The following UBE2E2 variants were observed in gnomAD, a reference collection of about 807,000 sequenced individuals.
UBE2E2 encodes ubiquitin-conjugating enzyme E2 E2.
A neutral mutation model predicts 24.7 loss-of-function variants in UBE2E2; 6 were observed. The ratio of observed to expected loss-of-function variants is 0.24; its 90% CI spans 0.13 to 0.48. The LOEUF (loss-of-function observed/expected upper bound fraction) is 0.48. UBE2E2 is among the 20% of genes least tolerant of loss of function. The pLI, the probability that UBE2E2 is intolerant of heterozygous loss-of-function variation, is 0.99. For missense variants in UBE2E2, 169 were observed against 245.0 expected (o/e 0.69, Z 2.07); for synonymous variants, 104 against 83.6 (o/e 1.24, Z -1.33).
At chr3:23,378,836 T>C (rs1183077886) in intron 3 of UBE2E2, among the ~76,000 whole-genome samples, 1 of 152,206 alleles carries the variant, frequency 6.6e-6, no homozygotes, top group Non-Finnish European at 1.5e-5. Flanking sequence ...ATAGTTGATA[T>C]TTTAACTTAA....
chr3:23,527,639 G>A (rs943296145), intron 4 of UBE2E2, among the ~76,000 whole-genome samples: 3 of 152,220 alleles, frequency 2.0e-5, no homozygotes, highest in South Asian at 2.1e-4. Context: ...ATAACCCTCA[G>A]GGAGAGGAGA....
intron 3 of UBE2E2, among the ~76,000 whole-genome samples, chr3:23,452,032 TG>T (rs1233316171): frequency 1.3e-5 from 2 of 152,196 alleles, no homozygotes; most frequent in Non-Finnish European, 2.9e-5. Flanking sequence ...TGGAAAAGGT[TG>T]GTGGTGAGTT....
chr3:23,323,207 TTTA>T (rs1277529648), intron 3 of UBE2E2, among the ~76,000 whole-genome samples: 8 of 152,096 alleles, frequency 5.3e-5, no homozygotes, highest in African/African-American at 1.9e-4. Context: ...TTGGACAGCT[TTTA>T]TTATTTCTGT....
At chr3:23,464,336 G>C (rs1451336620) in intron 3 of UBE2E2, among the ~76,000 whole-genome samples, 1 of 152,142 alleles carries the variant, frequency 6.6e-6, no homozygotes, top group East Asian at 1.9e-4. Context: ...CAGTGCTCCA[G>C]ATTAACTACC....
At chr3:23,342,403 T>C (rs1364135506) in intron 3 of UBE2E2, among the ~76,000 whole-genome samples, 4 of 152,152 alleles carry the variant, frequency 2.6e-5, no homozygotes, top group African/African-American at 9.7e-5. Context: ...GCTTATTTGA[T>C]TGCATAGTTT....
chr3:23,234,475 T>C (rs1697053420), intron 3 of UBE2E2, among the ~76,000 whole-genome samples: 1 of 152,216 alleles, frequency 6.6e-6, no homozygotes, highest in African/African-American at 2.4e-5. Context: ...CAGCTGGGAA[T>C]CCAGCTGGAG....
chr3:23,456,195 T>C (rs1477075414), intron 3 of UBE2E2, among the ~76,000 whole-genome samples: 1 of 152,238 alleles, frequency 6.6e-6, no homozygotes, highest in Non-Finnish European at 1.5e-5. Context: ...TAGGCTCCAC[T>C]TATAATTCTA....
chr3:23,459,698 ATTAAG>A (rs1294057534), intron 3 of UBE2E2, among the ~76,000 whole-genome samples: 1 of 152,134 alleles, frequency 6.6e-6, no homozygotes, highest in Non-Finnish European at 1.5e-5. Context: ...CTCGGGACAT[ATTAAG>A]TTGTTATGGA....
intron 3 of UBE2E2, among the ~76,000 whole-genome samples, chr3:23,380,310 C>A (rs1259588142): frequency 6.6e-6 from 1 of 152,158 alleles, no homozygotes; most frequent in Non-Finnish European, 1.5e-5. Flanking sequence ...GCCTGGAGCT[C>A]TAGGGCTCAA....
In UBE2E2 at chr3:23,517,683, A is replaced by G. The variant is rs950517007; in HGVS notation, c.361-14871A>G. On this transcript the variant is annotated intron_variant, in intron 4 of 5. Transcript: ENST00000396703. ...ATTTTTGCTAGCCTGTCTACAAAAAATTTATTTCTGAAATCTTTATTTAGC... is the reference window on the plus strand; with the variant it reads ...ATTTTTGCTAGCCTGTCTACAAAAAGTTTATTTCTGAAATCTTTATTTAGC... Among the ~76,000 whole-genome samples, 8 of 152,286 alleles carry G rather than the reference A, an allele frequency of 5.3e-5. No individual in the cohort carries two copies. The East Asian group carries it at 1.3e-3, about 26-fold the overall frequency.
At chr3:23,437,050 C>G (rs1698200131) in intron 3 of UBE2E2, among the ~76,000 whole-genome samples, 1 of 152,212 alleles carries the variant, frequency 6.6e-6, no homozygotes, top group Non-Finnish European at 1.5e-5. Flanking sequence ...TAACCCAGGC[C>G]CACAGGCCAT....
chr3:23,271,444 C>T (rs950498173), intron 3 of UBE2E2, among the ~76,000 whole-genome samples: 6 of 152,182 alleles, frequency 3.9e-5, no homozygotes, highest in Admixed American at 3.3e-4. Context: ...AACAAAGCTT[C>T]CACAGCGTGG....
intron 2 of UBE2E2, among the ~76,000 whole-genome samples, chr3:23,215,348 A>G (rs1016578429): frequency 6.6e-6 from 1 of 152,174 alleles, no homozygotes; most frequent in Non-Finnish European, 1.5e-5. Flanking sequence ...CAGACCAAAC[A>G]GCATATTACG....
At chr3:23,296,340 GT>G (rs1398283595) in intron 3 of UBE2E2, among the ~76,000 whole-genome samples, 1 of 151,706 alleles carries the variant, frequency 6.6e-6, no homozygotes, top group Non-Finnish European at 1.5e-5. Flanking sequence ...TGTATGTTAA[GT>G]TTTAGGGTAC....
intron 3 of UBE2E2, among the ~76,000 whole-genome samples, chr3:23,457,646 A>G (rs111973805): frequency 0.015 from 2,225 of 152,206 alleles, 49 homozygotes; most frequent in African/African-American, 0.048. Context: ...CTCTCAGGTA[A>G]CTTGGACTAC....
At chr3:23,341,601 T>G (rs1695389407) in intron 3 of UBE2E2, among the ~76,000 whole-genome samples, 1 of 152,176 alleles carries the variant, frequency 6.6e-6, no homozygotes, top group Admixed American at 6.5e-5. Flanking sequence ...GAACAGAAAT[T>G]AAAGGTAGCA....
rs1696362323 is a variant in UBE2E2, at chr3:23,369,989, C to A, written c.228-129619C>A. ...TGTTCCCCCTTTAGATACTAATATCCCCATGTGGGAAATGGAAAATGTAAG... is the reference window on the plus strand; with the variant it reads ...TGTTCCCCCTTTAGATACTAATATCACCATGTGGGAAATGGAAAATGTAAG... On this transcript the variant is annotated intron_variant, in intron 3 of 5. Transcript: ENST00000396703. Among the ~76,000 whole-genome samples, 2 of 151,976 alleles carry A rather than the reference C, an allele frequency of 1.3e-5. 1 individual carries two copies. The highest frequency in any genetic ancestry group is 4.2e-4 in the South Asian group (2 of 4,806).
At chr3:23,271,639 C>G (rs536194247) in intron 3 of UBE2E2, among the ~76,000 whole-genome samples, 1 of 152,164 alleles carries the variant, frequency 6.6e-6, no homozygotes, top group East Asian at 1.9e-4. Flanking sequence ...CTGAGCTAGA[C>G]ACAGAGTGCT....
At chr3:23,225,087 A>G (rs1451095080) in intron 3 of UBE2E2, among the ~76,000 whole-genome samples, 1 of 151,052 alleles carries the variant, frequency 6.6e-6, no homozygotes, top group Non-Finnish European at 1.5e-5. Context: ...CCATTTGTTT[A>G]TCTTCTTTGG....
Sources: allele counts gnomAD v4.1 joint callset (sites outside exome capture counted in the v4.1 genomes callset), GRCh38; gene constraint gnomAD v4.1.1; transcripts MANE v1.5; gene names NCBI Gene and HGNC (gene_info 2026-07-23, HGNC 2026-07-21).